Variants in KHDRBS3 observed in about 807,000 individuals in gnomAD.
KHDRBS3 encodes KH RNA binding domain containing, signal transduction associated 3, also known as KH domain-containing, RNA-binding, signal transduction-associated protein 3.
In KHDRBS3, 23 loss-of-function variants were observed where a neutral mutation model predicts 45.6. The ratio of observed to expected loss-of-function variants is 0.50; its 90% CI spans 0.36 to 0.72. The LOEUF is 0.72. KHDRBS3 is among the 30% of genes least tolerant of loss of function. The probability of loss-of-function intolerance (pLI) is 0.00; values close to 1 mark genes in which losing one functional copy is unlikely to be tolerated. For missense variants in KHDRBS3, 352 were observed against 424.8 expected (o/e 0.83, Z 1.51); for synonymous variants, 162 against 156.5 (o/e 1.04, Z -0.26).
chr8:135,483,574 A>T (rs1208732837), intron 1 of KHDRBS3, among the ~76,000 whole-genome samples: 1 of 152,194 alleles, frequency 6.6e-6, no homozygotes, highest in Non-Finnish European at 1.5e-5. Flanking sequence ...AGTTTGCATT[A>T]TTCTTTACTT....
intron 1 of KHDRBS3, among the ~76,000 whole-genome samples, chr8:135,474,974 C>T (rs189124504): frequency 1.2e-4 from 19 of 152,334 alleles, no homozygotes; most frequent in African/African-American, 4.3e-4. Context: ...TGGCCCCTTC[C>T]TCTGACTTCA....
Position 135,550,513 on chromosome 8 carries a change from T to C in KHDRBS3, c.471+1613T>C, listed in dbSNP as rs566825923. On this transcript the variant is annotated intron_variant, in intron 4 of 8. Transcript: ENST00000355849. ...TCCTCATTCAGTACCTTAGTACCATTGTTGAAAATTGACTAAACATAAATG... is the reference window on the plus strand; with the variant it reads ...TCCTCATTCAGTACCTTAGTACCATCGTTGAAAATTGACTAAACATAAATG... Among the ~76,000 whole-genome samples the C allele has an allele frequency of 3.5e-4, 53 of 152,346 alleles. No individual in the cohort carries two copies. The South Asian group carries it at 5.2e-3, about 15-fold the overall frequency.
chr8:135,477,833 G>T (rs536307639), intron 1 of KHDRBS3, among the ~76,000 whole-genome samples: 1 of 152,336 alleles, frequency 6.6e-6, no homozygotes. Flanking sequence ...GCGTGATATG[G>T]CCATAAGCCA....
intron 6 of KHDRBS3, among the ~76,000 whole-genome samples, chr8:135,592,368 G>A (rs937110800): frequency 2.0e-5 from 3 of 152,126 alleles, no homozygotes; most frequent in Admixed American, 6.5e-5. Flanking sequence ...TCATAATTAG[G>A]CTTGCCCGTC....
chr8:135,586,918 A>AT (rs1181964600), intron 6 of KHDRBS3, among the ~76,000 whole-genome samples: 2 of 152,152 alleles, frequency 1.3e-5, no homozygotes, highest in African/African-American at 2.4e-5. Context: ...CAATAGCTGC[A>AT]TTTTTCAGAA....
chr8:135,524,363 T>C (rs1825070010), intron 2 of KHDRBS3, among the ~76,000 whole-genome samples: 1 of 152,198 alleles, frequency 6.6e-6, no homozygotes, highest in African/African-American at 2.4e-5. Context: ...TTATGCTAGT[T>C]TCATAAAATG....
chr8:135,558,912 T>G (rs1827028126), intron 5 of KHDRBS3, among the ~76,000 whole-genome samples: 1 of 152,260 alleles, frequency 6.6e-6, no homozygotes. Flanking sequence ...CTAGGGGAGA[T>G]TCCTTTCCGT....
At chr8:135,550,600 C>T (rs1826539368) in intron 4 of KHDRBS3, among the ~76,000 whole-genome samples, 1 of 152,056 alleles carries the variant, frequency 6.6e-6, no homozygotes, top group Non-Finnish European at 1.5e-5. Flanking sequence ...ACTCTTAATG[C>T]CAGTAGCATG....
At chr8:135,627,703 A>G (rs1830434583) in intron 7 of KHDRBS3, among the ~76,000 whole-genome samples, 1 of 152,230 alleles carries the variant, frequency 6.6e-6, no homozygotes, top group Non-Finnish European at 1.5e-5. Context: ...ATACACCCAC[A>G]TAACCATGAG....
intron 7 of KHDRBS3, among the ~76,000 whole-genome samples, chr8:135,638,468 T>C (rs1482783394): frequency 1.3e-5 from 2 of 152,108 alleles, no homozygotes; most frequent in Non-Finnish European, 2.9e-5. Flanking sequence ...AAGCAAAAAC[T>C]AACACATATC....
chr8:135,592,375 C>T (rs992516230), intron 6 of KHDRBS3, among the ~76,000 whole-genome samples: 1 of 152,086 alleles, frequency 6.6e-6, no homozygotes, highest in Non-Finnish European at 1.5e-5. Flanking sequence ...TAGGCTTGCC[C>T]GTCCAAGTTA....
At chr8:135,607,623 C>A (rs1367645676) in intron 7 of KHDRBS3, among the ~76,000 whole-genome samples, 1 of 152,184 alleles carries the variant, frequency 6.6e-6, no homozygotes, top group Non-Finnish European at 1.5e-5. Flanking sequence ...TTCATTGATA[C>A]ATGAACTTAG....
chr8:135,609,557 A>G (rs1396082464), intron 7 of KHDRBS3, among the ~76,000 whole-genome samples: 6 of 148,910 alleles, frequency 4.0e-5, no homozygotes, highest in Middle Eastern at 6.6e-3. Flanking sequence ...GGCCTCCAAA[A>G]GAGCTGGGAT....
chr8:135,493,941 A>G (rs539239947), intron 1 of KHDRBS3, among the ~76,000 whole-genome samples: 1 of 152,260 alleles, frequency 6.6e-6, no homozygotes, highest in African/African-American at 2.4e-5. Context: ...TCTCGTATAT[A>G]GAAGGCCTAT....
chr8:135,534,375 T>G (rs1444812456), intron 2 of KHDRBS3, among the ~76,000 whole-genome samples: 1 of 152,178 alleles, frequency 6.6e-6, no homozygotes, highest in Non-Finnish European at 1.5e-5. Flanking sequence ...GGGTAGTGAT[T>G]AATACTTTCG....
chr8:135,651,498 G>T (rs2131219463), downstream of KHDRBS3, among the ~76,000 whole-genome samples: 1 of 152,190 alleles, frequency 6.6e-6, no homozygotes, highest in African/African-American at 2.4e-5. Context: ...AGACCATGCT[G>T]GCTGGGTAGG....
chr8:135,484,178 T>C (rs1822727757), intron 1 of KHDRBS3, among the ~76,000 whole-genome samples: 1 of 152,076 alleles, frequency 6.6e-6, no homozygotes, highest in South Asian at 2.1e-4. Context: ...GAAATAAAAA[T>C]AAAATCCTAA....
chr8:135,625,655 C>G, intron 7 of KHDRBS3: 1 of 837,664 alleles, frequency 1.2e-6, no homozygotes, highest in Non-Finnish European at 2.1e-6. Context: ...TCTTGAAACA[C>G]TGAACGAATT....
At chr8:135,578,871 A>G (rs72732373) in intron 5 of KHDRBS3, among the ~76,000 whole-genome samples, 2,059 of 152,340 alleles carry the variant, frequency 0.014, 24 homozygotes, top group Non-Finnish European at 0.02. Flanking sequence ...GAGTTCTTCC[A>G]TCAGAGTTTT....
Sources: gnomAD v4.1 joint callset for allele counts (sites outside exome capture counted in the v4.1 genomes callset) on GRCh38, gnomAD v4.1.1 for gene constraint, MANE v1.5 for transcripts, NCBI Gene and HGNC (gene_info 2026-07-23, HGNC 2026-07-21) for gene names.